The following PUS7 variants were observed in gnomAD, a reference collection of about 807,000 sequenced individuals.
The protein encoded by PUS7 is pseudouridine synthase 7.
A neutral mutation model predicts 79.8 loss-of-function variants in PUS7; 48 were observed. That is an observed-to-expected ratio of 0.60 (90% confidence interval 0.48 to 0.76). The LOEUF (loss-of-function observed/expected upper bound fraction) is 0.76, where lower values mean the gene tolerates loss of function less well. PUS7 is among the 30% of genes least tolerant of loss of function. PUS7 has a pLI of 0.00. For missense variants in PUS7, 729 were observed against 797.6 expected, an observed-to-expected ratio of 0.91 and a Z score of 1.04; for synonymous variants, 286 against 272.2, an observed-to-expected ratio of 1.05 and a Z score of -0.50.
intron 7 of PUS7, among the ~76,000 whole-genome samples, chr7:105,490,981 C>A (rs561029989): frequency 1.2e-4 from 19 of 152,302 alleles, no homozygotes; most frequent in Non-Finnish European, 2.2e-4. Flanking sequence ...TTATCCAGCC[C>A]CGAAGGGCAA....
chr7:105,505,104 G>C (rs562379876), intron 4 of PUS7, among the ~76,000 whole-genome samples: 2 of 140,368 alleles, frequency 1.4e-5, no homozygotes, highest in Non-Finnish European at 3.2e-5. Context: ...AGGTTCAAGA[G>C]ATTCTCTTGC....
At chr7:105,475,569 G>T (rs557537277) in intron 9 of PUS7, among the ~76,000 whole-genome samples, 1 of 152,188 alleles carries the variant, frequency 6.6e-6, no homozygotes, top group Non-Finnish European at 1.5e-5. Context: ...TGATCTGCCT[G>T]CCTTGGCTTC....
At chr7:105,512,985 G>A (rs1025227479) in intron 1 of PUS7, among the ~76,000 whole-genome samples, 5 of 152,188 alleles carry the variant, frequency 3.3e-5, no homozygotes, top group African/African-American at 1.2e-4. Context: ...CATCCCTGGG[G>A]AACTGAGAGG....
At chr7:105,505,596 AT>A (rs148275039) in intron 4 of PUS7, among the ~76,000 whole-genome samples, 2 of 151,516 alleles carry the variant, frequency 1.3e-5, no homozygotes, top group Admixed American at 6.6e-5. Context: ...TGGTCCCTAA[AT>A]TTTTTTTTCA....
At chr7:105,508,595 A>C in intron 1 of PUS7, 51 bp from the exon 2 acceptor site, 1 of 1,533,870 alleles carries the variant, frequency 6.5e-7, no homozygotes, top group South Asian at 1.3e-5. Context: ...AGCTGGTTTC[A>C]GGCCGGGCGC....
chr7:105,516,784 G>A (rs2133295230), intron 1 of PUS7, among the ~76,000 whole-genome samples: 1 of 152,158 alleles, frequency 6.6e-6, no homozygotes, highest in South Asian at 2.1e-4. Context: ...TGAGGGTTGG[G>A]GAGAGGAGAG....
intron 1 of PUS7, among the ~76,000 whole-genome samples, chr7:105,515,172 C>T (rs1167099647): frequency 1.3e-5 from 2 of 152,126 alleles, no homozygotes; most frequent in African/African-American, 2.4e-5. Flanking sequence ...ATGCTTAAAC[C>T]GTATGACAGA....
intron 12 of PUS7, among the ~76,000 whole-genome samples, chr7:105,467,043 T>G (rs1326913020): frequency 8.2e-6 from 1 of 122,590 alleles, no homozygotes; most frequent in Non-Finnish European, 1.8e-5. Context: ...TGTTTTTTTT[T>G]TTTTTTTTTT....
intron 7 of PUS7, among the ~76,000 whole-genome samples, chr7:105,488,375 T>C (rs1824638492): frequency 1.3e-5 from 2 of 152,250 alleles, no homozygotes; most frequent in South Asian, 4.1e-4. Context: ...GTACCACTTT[T>C]TTGCAGGATA....
At chr7:105,461,821 T>C (rs117968118) in intron 14 of PUS7, among the ~76,000 whole-genome samples, 1,657 of 152,334 alleles carry the variant, frequency 0.011, 16 homozygotes, top group Non-Finnish European at 0.017. Context: ...TACAGCATGT[T>C]ACTGTACTGA....
intron 5 of PUS7, among the ~76,000 whole-genome samples, chr7:105,496,210 T>TAGAG (rs1825014095): frequency 1.1e-4 from 8 of 70,554 alleles, no homozygotes; most frequent in Non-Finnish European, 2.1e-4. Context: ...TATATATATA[T>TAGAG]ATATATATAT....
intron 2 of PUS7, 63 bp from the exon 3 acceptor site, chr7:105,506,336 A>T (rs1285929459): frequency 4.1e-6 from 5 of 1,205,304 alleles, no homozygotes; most frequent in Non-Finnish European, 6.1e-6. Flanking sequence ...ATTTTAAGAT[A>T]AAGTTGATCA....
At chr7:105,492,551 G>T (rs1187339709) in intron 6 of PUS7, among the ~76,000 whole-genome samples, 1 of 142,106 alleles carries the variant, frequency 7.0e-6, no homozygotes, top group Non-Finnish European at 1.5e-5. Flanking sequence ...TGTCGCCCAG[G>T]CTGGAGTGCA....
At chr7:105,463,579 G>A (rs1374209948) in intron 13 of PUS7, among the ~76,000 whole-genome samples, 2 of 151,196 alleles carry the variant, frequency 1.3e-5, no homozygotes, top group East Asian at 1.9e-4. Flanking sequence ...CTTTTCTATC[G>A]GCATTTGATC....
chr7:105,483,680 G>C (rs1188927341), intron 7 of PUS7, among the ~76,000 whole-genome samples: 1 of 149,258 alleles, frequency 6.7e-6, no homozygotes, highest in Admixed American at 6.6e-5. Context: ...ATTTTCAGTA[G>C]AGACAGAGTT....
At chr7:105,459,810 T>G (rs1328272378) in intron 14 of PUS7, among the ~76,000 whole-genome samples, 1 of 152,186 alleles carries the variant, frequency 6.6e-6, no homozygotes, top group Non-Finnish European at 1.5e-5. Context: ...TGGTGGCTCA[T>G]GCCTCTAATC....
intron 6 of PUS7, among the ~76,000 whole-genome samples, chr7:105,492,493 T>C (rs952538309): frequency 1.4e-5 from 2 of 146,200 alleles, no homozygotes; most frequent in Non-Finnish European, 3.0e-5. Flanking sequence ...TCTGGCTGAT[T>C]TTTTGTATTT....
rs1474133183 is a variant in PUS7, at chr7:105,481,038, A to C, written c.1175+14T>G. On this transcript the variant is annotated intron_variant, in intron 9 of 15. Transcript: ENST00000469408. ...TGAGAAAGCTATTTTTGATAAAAGAAATTAAATACCAACCTTCCAACCTGA... is the reference window on the plus strand; with the variant it reads ...TGAGAAAGCTATTTTTGATAAAAGACATTAAATACCAACCTTCCAACCTGA... The C allele has an allele frequency of 6.2e-7, 1 of 1,600,214 alleles. No individual in the cohort carries two copies. The highest frequency in any genetic ancestry group is 1.8e-5 in the Admixed American group (1 of 56,228).
At chr7:105,479,065 A>G (rs919172623) in intron 9 of PUS7, among the ~76,000 whole-genome samples, 3 of 152,170 alleles carry the variant, frequency 2.0e-5, no homozygotes. Flanking sequence ...ATGTCCTCTG[A>G]CCATTAGCAA....
Sources: gnomAD v4.1 joint callset for allele counts (sites outside exome capture counted in the v4.1 genomes callset) on GRCh38, gnomAD v4.1.1 for gene constraint, MANE v1.5 for transcripts, NCBI Gene and HGNC (gene_info 2026-07-23, HGNC 2026-07-21) for gene names.